DYNC2H1: variants seen among roughly 807,000 people sequenced by gnomAD.
The protein encoded by DYNC2H1 is cytoplasmic dynein 2 heavy chain 1.
A neutral mutation model predicts 570.0 loss-of-function variants in DYNC2H1; 410 were observed. The observed-to-expected ratio is 0.72, with a 90% CI of 0.66 to 0.78. The LOEUF is 0.78. Ranked by LOEUF, DYNC2H1 falls within the 30% of genes least tolerant of loss-of-function variation. DYNC2H1 has a pLI of 0.00. For synonymous variants in DYNC2H1, 1,688 were observed against 1,677.6 expected, an observed-to-expected ratio of 1.01 and a Z score of -0.15; for missense variants, 4,865 against 5,046.4, an observed-to-expected ratio of 0.96 and a Z score of 1.09.
intron 82 of DYNC2H1, among the ~76,000 whole-genome samples, chr11:103,341,483 A>G (rs1939438541): frequency 6.6e-6 from 1 of 152,156 alleles, no homozygotes; most frequent in Non-Finnish European, 1.5e-5. Context: ...ATTATCTGGG[A>G]AGTTAGTTTA....
chr11:103,368,264 G>A (rs1941001280), intron 83 of DYNC2H1, among the ~76,000 whole-genome samples: 1 of 152,042 alleles, frequency 6.6e-6, no homozygotes, highest in African/African-American at 2.4e-5. Context: ...ACTAACACTT[G>A]TTTTCTTTTG....
chr11:103,476,707 A>G (rs1945560394), intron 88 of DYNC2H1, among the ~76,000 whole-genome samples: 1 of 152,036 alleles, frequency 6.6e-6, no homozygotes, highest in African/African-American at 2.4e-5. Context: ...ATCAAGGGCC[A>G]GAAGAGTCAG....
chr11:103,347,559 C>T (rs1939804766), intron 82 of DYNC2H1, among the ~76,000 whole-genome samples: 1 of 151,986 alleles, frequency 6.6e-6, no homozygotes, highest in Non-Finnish European at 1.5e-5. Flanking sequence ...AAAGTGTTGA[C>T]AGTTGTTGAA....
rs754275993 is a variant in DYNC2H1 at position 103,245,384 on chromosome 11, T to A, written c.10042+10T>A. The A allele has an allele frequency of 6.4e-7, 1 of 1,574,668 alleles. No individual in the cohort carries two copies. The highest frequency in any genetic ancestry group is 1.9e-5 in the Admixed American group (1 of 53,806). On this transcript the variant is annotated intron_variant, in intron 65 of 88. Coordinates refer to ENST00000375735, the MANE Select transcript of DYNC2H1 (RefSeq NM_001377.3). The surrounding 1 kb of genome is among the most constrained non-coding windows in gnomAD (Gnocchi z 4.5). ...GATCTGGTTGCTCAAGGTAAATAAT[T>A]GACACTTTCCAGAGTGTAAATATTT...
chr11:103,155,245 A>G, intron 24 of DYNC2H1, 86 bp from the exon 25 acceptor site: 1 of 1,299,592 alleles, frequency 7.7e-7, no homozygotes. Flanking sequence ...GTAACTAATA[A>G]GCATAAAAGT....
chr11:103,410,365 T>A (rs912593958), intron 84 of DYNC2H1, among the ~76,000 whole-genome samples: 1 of 152,064 alleles, frequency 6.6e-6, no homozygotes, highest in South Asian at 2.1e-4. Context: ...TCCCACCTCA[T>A]GAGCTACACC....
intron 75 of DYNC2H1, among the ~76,000 whole-genome samples, chr11:103,295,044 T>C (rs1866763249): frequency 6.6e-6 from 1 of 152,138 alleles, no homozygotes; most frequent in Non-Finnish European, 1.5e-5. Flanking sequence ...CTGCTGCAAT[T>C]GGTGTTACAC....
At chr11:103,126,302 T>G (rs1858996521) in intron 12 of DYNC2H1, among the ~76,000 whole-genome samples, 1 of 152,196 alleles carries the variant, frequency 6.6e-6, no homozygotes, top group Non-Finnish European at 1.5e-5. Flanking sequence ...TGCTTTTTAT[T>G]GGCATTCCTG....
At chr11:103,391,789 GC>G in intron 83 of DYNC2H1, among the ~76,000 whole-genome samples, 1 of 152,300 alleles carries the variant, frequency 6.6e-6, no homozygotes, top group South Asian at 2.1e-4. Flanking sequence ...CTGGGTATCA[GC>G]AGCAGAGGCT....
intron 52 of DYNC2H1, among the ~76,000 whole-genome samples, chr11:103,207,349 A>T (rs538654186): frequency 6.6e-6 from 1 of 151,902 alleles, no homozygotes; most frequent in Admixed American, 6.6e-5. Context: ...CTAGAATAAT[A>T]TCATTGAGTA....
intron 85 of DYNC2H1, among the ~76,000 whole-genome samples, chr11:103,436,777 A>T: frequency 6.6e-6 from 1 of 152,118 alleles, no homozygotes; most frequent in East Asian, 1.9e-4. Flanking sequence ...TCAATTTTGT[A>T]TTCTCTAGAC....
intron 85 of DYNC2H1, 104 bp from the exon 86 acceptor site, chr11:103,455,082 A>C: frequency 1.4e-6 from 1 of 729,526 alleles, no homozygotes; most frequent in Non-Finnish European, 2.2e-6. Context: ...CTACCATTTC[A>C]GAGCATTTGG....
intron 84 of DYNC2H1, 58 bp from the exon 85 acceptor site, chr11:103,435,885 G>C: frequency 6.5e-7 from 1 of 1,544,324 alleles, no homozygotes; most frequent in Non-Finnish European, 8.8e-7. Flanking sequence ...AGTGTTAGTA[G>C]TCTTCTATAT....
Position 103,254,586 on chromosome 11 carries a change from A to G in DYNC2H1, c.10207-829A>G, listed in dbSNP as rs568640375. Among the ~76,000 whole-genome samples the G allele has an allele frequency of 6.6e-6, 1 of 152,114 alleles. No individual in the cohort carries two copies. The highest frequency in any genetic ancestry group is 1.5e-5 in the Non-Finnish European group (1 of 68,016). On this transcript the variant is annotated intron_variant, in intron 66 of 88. Coordinates refer to ENST00000375735, the MANE Select transcript of DYNC2H1 (RefSeq NM_001377.3). The surrounding 1 kb of genome is among the most constrained non-coding windows in gnomAD (Gnocchi z 4.9). ...TACTTTATATTTGGCAATTTGAGAA[A>G]CAAATCTTTCCAAAGTGGCTGCACT...
intron 70 of DYNC2H1, among the ~76,000 whole-genome samples, chr11:103,263,876 G>A (rs1273689263): frequency 6.6e-6 from 1 of 152,028 alleles, no homozygotes; most frequent in Non-Finnish European, 1.5e-5. Context: ...AACTGAAGGA[G>A]ATAGAGACAT....
chr11:103,433,210 T>C (rs1049378111), intron 84 of DYNC2H1, among the ~76,000 whole-genome samples: 1 of 152,138 alleles, frequency 6.6e-6, no homozygotes, highest in African/African-American at 2.4e-5. Context: ...ATATTTTTTA[T>C]ATAGGTAAAT....
At chr11:103,174,393 A>T (rs1861708000) in intron 36 of DYNC2H1, among the ~76,000 whole-genome samples, 1 of 152,150 alleles carries the variant, frequency 6.6e-6, no homozygotes, top group Admixed American at 6.6e-5. Context: ...TTCCTACTTT[A>T]TTCAGGTTTT....
Position 103,192,292 on chromosome 11 carries a change from A to T in DYNC2H1, c.7708+28A>T, listed in dbSNP as rs538679836. On this transcript the variant is annotated intron_variant, in intron 47 of 88. Coordinates refer to ENST00000375735, the MANE Select transcript of DYNC2H1 (RefSeq NM_001377.3). ...AAGGTAATAGAGCTTATGCAAATAC[A>T]TAACTATTACAAGGATTTCAGAAAT... 2.0e-5 allele frequency: 29 copies of T among 1,426,600 alleles called. No individual in the cohort carries two copies. In the East Asian group the frequency reaches 7.0e-4, roughly 34 times the overall value. The allele number at this position is 1,426,600 out of a possible 1,614,324, so 88.4% of individuals were successfully genotyped here.
chr11:103,292,217 A>G (rs1269983849), intron 75 of DYNC2H1, among the ~76,000 whole-genome samples: 3 of 146,776 alleles, frequency 2.0e-5, no homozygotes, highest in South Asian at 2.1e-4. Flanking sequence ...CTCTGGTAGT[A>G]TATTTTAACT....
Sources: allele counts gnomAD v4.1 joint callset (sites outside exome capture counted in the v4.1 genomes callset), GRCh38; gene constraint gnomAD v4.1.1; non-coding constraint Gnocchi (gnomAD v3.1); transcripts MANE v1.5; gene names NCBI Gene and HGNC (gene_info 2026-07-23, HGNC 2026-07-21).